The following ZNF81 variants were observed in gnomAD, a reference collection of about 807,000 sequenced individuals.
ZNF81 encodes the protein zinc finger protein 81.
In ZNF81, 5 loss-of-function variants were observed where a neutral mutation model predicts 32.3. The observed-to-expected ratio is 0.15, with a 90% CI of 0.08 to 0.33. The LOEUF is 0.33. Among genes scored for constraint, ZNF81 ranks in the 10% least tolerant of loss-of-function variants. ZNF81 has a pLI of 1.00. For synonymous variants in ZNF81, 163 were observed against 166.8 expected (o/e 0.98, Z 0.17); for missense variants, 379 against 479.8 (o/e 0.79, Z 1.96).
At chrX:47,876,254 T>G in intron 2 of ZNF81, among the ~76,000 whole-genome samples, 1 of 112,918 alleles carries the variant, frequency 8.9e-6, no homozygotes, top group East Asian at 2.8e-4. Context: ...AATATAAATC[T>G]TCTCAAGGAA....
At chrX:47,840,472 G>GTCTTT (rs199714404) in intron 1 of ZNF81, among the ~76,000 whole-genome samples, 1 of 108,780 alleles carries the variant, frequency 9.2e-6, no homozygotes, top group Admixed American at 9.7e-5. Flanking sequence ...ATAAGCTACT[G>GTCTTT]TCTTTTCTTT....
rs2058758633 is a variant in ZNF81 at position 47,916,740 on chromosome X, A to G, written c.*108A>G. On this transcript the variant is annotated 3_prime_UTR_variant, in exon 5 of 5. Coordinates refer to ENST00000338637, the MANE Select transcript of ZNF81 (RefSeq NM_007137.5). The stretch of plus-strand genomic sequence containing the variant: ...GACAGATCCTATATGAATACATTGT[A>G]TAAGGAAAAGCATCAGGCTATCTCA... 1.3e-5 allele frequency: 11 copies of G among 866,623 alleles called. No individual in the cohort carries two copies. The highest frequency in any genetic ancestry group is 1.5e-5 in the Non-Finnish European group (10 of 645,989). The allele number at this position is 866,623 out of a possible 1,213,427, so 71.4% of individuals were successfully genotyped here. A position where few individuals can be genotyped will look rare whatever the true frequency, so the allele number is the denominator to read the frequency against.
chrX:47,914,996 G>A lies in ZNF81; in HGVS notation c.350G>A (p.Gly117Asp), dbSNP rs17147793. ...GKSTFHSEME[G>D]EDTRDDSLYS... is the part of the protein sequence containing the mutation. Reference sequence around the variant, plus strand: ...TCTACATTTCATAGTGAAATGGAGGGTGAAGACACAAGAGATGATTCATTA... The same window carrying A: ...TCTACATTTCATAGTGAAATGGAGGATGAAGACACAAGAGATGATTCATTA... Residue 117 changes from glycine to aspartate, a missense_variant, in exon 5 of 5, where the codon GGT becomes GAT. Transcript: ENST00000338637. The A allele has an allele frequency of 8.3e-7, 1 of 1,206,678 alleles. No individual in the cohort carries two copies. The highest frequency in any genetic ancestry group is 1.1e-6 in the Non-Finnish European group (1 of 892,610).
At chrX:47,844,287 A>G (rs1156519853) in intron 1 of ZNF81, among the ~76,000 whole-genome samples, 1 of 112,008 alleles carries the variant, frequency 8.9e-6, no homozygotes, top group Non-Finnish European at 1.9e-5. Context: ...CACACCCAAA[A>G]GAAATCCTGT....
At chrX:47,869,000 A>T (rs1439354149) in intron 2 of ZNF81, among the ~76,000 whole-genome samples, 2 of 110,650 alleles carry the variant, frequency 1.8e-5, no homozygotes, top group African/African-American at 6.6e-5. Context: ...TCCCACCAGT[A>T]TGGATGTAAT....
chrX:47,854,027 T>G (rs1477276968), intron 2 of ZNF81, among the ~76,000 whole-genome samples: 2 of 112,892 alleles, frequency 1.8e-5, no homozygotes, highest in Non-Finnish European at 3.7e-5. Context: ...AAATCTGTTG[T>G]TTAGTGTAGC....
chrX:47,841,196 T>C lies in ZNF81; in HGVS notation c.-164+4209T>C, dbSNP rs2058447853. On this transcript the variant is annotated intron_variant, in intron 1 of 4. Transcript: ENST00000338637. Reference sequence around the variant, plus strand: ...CCCAGGTGCTCCTCAATCACTGTACTGTCTGTCAGAGGGATGGTCTTATTC... The same window carrying C: ...CCCAGGTGCTCCTCAATCACTGTACCGTCTGTCAGAGGGATGGTCTTATTC... 10 of 754,737 alleles carry C rather than the reference T, an allele frequency of 1.3e-5. No homozygotes were observed. In the Admixed American group the frequency reaches 2.0e-4, roughly 15 times the overall value. 62.2% of individuals were successfully genotyped at this position (754,737 alleles called of 1,213,427 possible).
rs146593259 is a variant in ZNF81, at chrX:47,847,173, C to G, written c.54+852C>G. ...CATGCCAAGCACTGTTACACGTACT[C>G]TACGTGTGTTCACCCATCTTCACAA... On this transcript the variant is annotated intron_variant, in intron 2 of 4. Transcript: ENST00000338637. 3.1e-3 allele frequency among the ~76,000 whole-genome samples: 343 copies of G among 112,120 alleles called. 1 individual carries two copies. The highest frequency in any genetic ancestry group is 0.01 in the African/African-American group (316 of 30,868).
At chrX:47,857,126 AC>A (rs782062010) in intron 2 of ZNF81, among the ~76,000 whole-genome samples, 8 of 111,793 alleles carry the variant, frequency 7.2e-5, no homozygotes, top group Non-Finnish European at 9.4e-5. Context: ...ACTGTGAAAT[AC>A]CAAGAATTAT....
intron 2 of ZNF81, among the ~76,000 whole-genome samples, chrX:47,876,059 G>A (rs1556884503): frequency 8.9e-6 from 1 of 111,956 alleles, no homozygotes. Context: ...TGATAAGCAG[G>A]TAGTTACAAC....
At chrX:47,882,514 G>A (rs1479933994) in intron 2 of ZNF81, among the ~76,000 whole-genome samples, 3 of 112,324 alleles carry the variant, frequency 2.7e-5, no homozygotes, top group African/African-American at 9.7e-5. Context: ...CACAATTTGT[G>A]TAGACATTCA....
intron 2 of ZNF81, among the ~76,000 whole-genome samples, chrX:47,854,671 T>A (rs1298069711): frequency 9.0e-6 from 1 of 111,262 alleles, no homozygotes; most frequent in Non-Finnish European, 1.9e-5. Context: ...AACGGGCCAG[T>A]AGGTGGAGCA....
At chrX:47,846,608 G>A (rs782543455) in intron 2 of ZNF81, among the ~76,000 whole-genome samples, 2 of 110,661 alleles carry the variant, frequency 1.8e-5, no homozygotes, top group African/African-American at 3.3e-5. Context: ...TTGTCACTTC[G>A]TAATTTGCAA....
rs189897887 is a variant in ZNF81 at position 47,888,794 on chromosome X, C to T, written c.181+669C>T. ...TGCTTGACAGAAAAAGCCTAGATTGCGTTAACGAGACTATTGGTAGAAACA... is the reference window on the plus strand; with the variant it reads ...TGCTTGACAGAAAAAGCCTAGATTGTGTTAACGAGACTATTGGTAGAAACA... On this transcript the variant is annotated intron_variant, in intron 3 of 4. Transcript: ENST00000338637. Among the ~76,000 whole-genome samples, 25 of 111,313 alleles carry T rather than the reference C, an allele frequency of 2.2e-4. No homozygotes were observed. The East Asian group carries it at 2.5e-3, about 11-fold the overall frequency.
intron 4 of ZNF81, among the ~76,000 whole-genome samples, chrX:47,904,607 T>G (rs1488114647): frequency 1.8e-5 from 2 of 111,649 alleles, no homozygotes; most frequent in African/African-American, 6.5e-5. Context: ...ATTTTTACAC[T>G]GTTGGTGGGA....
chrX:47,867,229 C>T (rs927469006), intron 2 of ZNF81, among the ~76,000 whole-genome samples: 2 of 111,733 alleles, frequency 1.8e-5, no homozygotes, highest in African/African-American at 3.3e-5. Flanking sequence ...CAAACCTGCA[C>T]ATCCTGCACA....
At chrX:47,902,372 A>C in intron 4 of ZNF81, among the ~76,000 whole-genome samples, 1 of 112,193 alleles carries the variant, frequency 8.9e-6, no homozygotes, top group East Asian at 2.8e-4. Context: ...ATTTTAACAC[A>C]CCTATTTCTC....
chrX:47,905,080 G>A (rs1556888915), intron 4 of ZNF81, among the ~76,000 whole-genome samples: 1 of 109,785 alleles, frequency 9.1e-6, no homozygotes, highest in African/African-American at 3.3e-5. Context: ...GGGGGAGGAG[G>A]GAGGGATAGC....
chrX:47,905,478 T>C (rs1444325471), intron 4 of ZNF81, among the ~76,000 whole-genome samples: 4 of 108,428 alleles, frequency 3.7e-5, no homozygotes, highest in Non-Finnish European at 7.6e-5. Flanking sequence ...AAGTTTCTTA[T>C]TTTATATATA....
Sources: gnomAD v4.1 joint callset for allele counts (sites outside exome capture counted in the v4.1 genomes callset) on GRCh38, gnomAD v4.1.1 for gene constraint, MANE v1.5 for transcripts, NCBI Gene and HGNC (gene_info 2026-07-23, HGNC 2026-07-21) for gene names.